The following PREP variants were observed in gnomAD, a reference collection of about 807,000 sequenced individuals.
PREP encodes the protein prolyl endopeptidase.
Under a neutral mutation model 87.6 loss-of-function variants are expected in PREP, and 29 were observed. The observed-to-expected ratio is 0.33, with a 90% confidence interval of 0.25 to 0.45. The LOEUF (loss-of-function observed/expected upper bound fraction) is 0.45, where lower values mean the gene tolerates loss of function less well. Ranked by LOEUF, PREP falls within the 20% of genes least tolerant of loss-of-function variation. PREP has a pLI of 1.00. For missense variants in PREP, 695 were observed against 886.5 expected, an observed-to-expected ratio of 0.78 and a Z score of 2.74; for synonymous variants, 337 against 328.6, an observed-to-expected ratio of 1.03 and a Z score of -0.28.
intron 10 of PREP, among the ~76,000 whole-genome samples, chr6:105,294,420 C>T (rs1321024765): frequency 6.6e-6 from 1 of 152,188 alleles, no homozygotes; most frequent in African/African-American, 2.4e-5. Context: ...AGTCTCTATA[C>T]TTCTCTTTAC....
At chr6:105,359,936 T>C (rs1286911385) in intron 6 of PREP, among the ~76,000 whole-genome samples, 1 of 152,148 alleles carries the variant, frequency 6.6e-6, no homozygotes. Context: ...AGCTCTCCCA[T>C]CAAACTTCTA....
chr6:105,356,227 C>G (rs1442468794), intron 6 of PREP, among the ~76,000 whole-genome samples: 1 of 152,148 alleles, frequency 6.6e-6, no homozygotes, highest in African/African-American at 2.4e-5. Flanking sequence ...TTGATCCATT[C>G]AAGACTTGTT....
chr6:105,344,274 G>T (rs1029799732), intron 7 of PREP, among the ~76,000 whole-genome samples: 1 of 152,152 alleles, frequency 6.6e-6, no homozygotes, highest in Non-Finnish European at 1.5e-5. Context: ...GGCGGATCAT[G>T]AGGTCAGGAG....
intron 9 of PREP, among the ~76,000 whole-genome samples, chr6:105,325,197 T>C (rs1481585008): frequency 6.6e-6 from 1 of 152,062 alleles, no homozygotes; most frequent in African/African-American, 2.4e-5. Flanking sequence ...ATGTGAATCC[T>C]TGAAAAAAAG....
intron 10 of PREP, among the ~76,000 whole-genome samples, chr6:105,309,765 T>C (rs1298053397): frequency 6.6e-6 from 1 of 152,152 alleles, no homozygotes. Flanking sequence ...AAACGCTCCT[T>C]CTCCTTTGAA....
chr6:105,298,412 G>T, intron 10 of PREP: 1 of 153,076 alleles, frequency 6.5e-6, no homozygotes, highest in South Asian at 2.0e-4. Context: ...ACTGACCAGA[G>T]ACAGTGCAAG....
At chr6:105,300,435 A>G (rs999843463) in intron 10 of PREP, among the ~76,000 whole-genome samples, 1 of 152,238 alleles carries the variant, frequency 6.6e-6, no homozygotes, top group Non-Finnish European at 1.5e-5. Context: ...GTATTTTTTT[A>G]AGGCTTAACA....
At chr6:105,336,448 T>A (rs1478380055) in intron 7 of PREP, among the ~76,000 whole-genome samples, 1 of 152,232 alleles carries the variant, frequency 6.6e-6, no homozygotes, top group Non-Finnish European at 1.5e-5. Flanking sequence ...AAAAAATGTT[T>A]CTCTAGGCCT....
intron 10 of PREP, among the ~76,000 whole-genome samples, chr6:105,315,908 T>TA (rs1770853978): frequency 6.6e-6 from 1 of 152,220 alleles, no homozygotes; most frequent in Non-Finnish European, 1.5e-5. Context: ...TGAAGAAAGT[T>TA]AGGGCTTTGC....
intron 5 of PREP, among the ~76,000 whole-genome samples, chr6:105,373,001 T>C (rs1305139728): frequency 1.3e-5 from 2 of 152,132 alleles, no homozygotes; most frequent in Non-Finnish European, 2.9e-5. Flanking sequence ...TTCTACTGAG[T>C]TGCCATGTGA....
chr6:105,398,999 C>T (rs890302283), intron 1 of PREP, among the ~76,000 whole-genome samples: 4 of 151,980 alleles, frequency 2.6e-5, no homozygotes, highest in African/African-American at 9.7e-5. Flanking sequence ...CCCAGCTACT[C>T]GGGAGGCTAA....
chr6:105,305,811 A>G (rs1770641977), intron 10 of PREP, among the ~76,000 whole-genome samples: 1 of 151,414 alleles, frequency 6.6e-6, no homozygotes, highest in Non-Finnish European at 1.5e-5. Flanking sequence ...TAAACACAGA[A>G]ATATACTTTT....
intron 2 of PREP, among the ~76,000 whole-genome samples, chr6:105,394,084 A>T (rs1347660015): frequency 6.6e-6 from 1 of 152,232 alleles, no homozygotes; most frequent in African/African-American, 2.4e-5. Flanking sequence ...TCTTGTAAAT[A>T]TAGTTGTAAG....
At chr6:105,371,552 C>T (rs1772548632) in intron 5 of PREP, among the ~76,000 whole-genome samples, 1 of 129,438 alleles carries the variant, frequency 7.7e-6, no homozygotes, top group Admixed American at 7.7e-5. Context: ...GAATATCAAA[C>T]TGAAAGTAAT....
At chr6:105,331,040 T>A (rs1192049103) in intron 8 of PREP, among the ~76,000 whole-genome samples, 6 of 152,190 alleles carry the variant, frequency 3.9e-5, no homozygotes, top group African/African-American at 1.4e-4. Flanking sequence ...TATGAGCACA[T>A]CAGAATTATA....
intron 10 of PREP, among the ~76,000 whole-genome samples, chr6:105,303,112 C>CATGTATGTATGTATGTATGT (rs141833268): frequency 6.6e-6 from 1 of 150,664 alleles, no homozygotes; most frequent in Admixed American, 6.6e-5. Context: ...AAATGAAGTC[C>CATGTATGTATGTATGTATGT]ATGTATGTAT....
intron 1 of PREP, among the ~76,000 whole-genome samples, chr6:105,399,347 G>A (rs571914506): frequency 6.6e-6 from 1 of 152,142 alleles, no homozygotes; most frequent in Non-Finnish European, 1.5e-5. Flanking sequence ...GGCTCTGGCT[G>A]GGTGAGAACA....
At chr6:105,321,502 T>G (rs1771007532) in intron 10 of PREP, among the ~76,000 whole-genome samples, 1 of 152,246 alleles carries the variant, frequency 6.6e-6, no homozygotes, top group Non-Finnish European at 1.5e-5. Flanking sequence ...GTTAGGTTTG[T>G]ATTCCACAGA....
At chr6:105,279,142 G>C (rs190228795) in intron 14 of PREP, 1 of 152,320 alleles carries the variant, frequency 6.6e-6, no homozygotes, top group African/African-American at 2.4e-5. Context: ...ACTGATAATA[G>C]TTGAAATATC....
Sources: gnomAD v4.1 joint callset for allele counts (sites outside exome capture counted in the v4.1 genomes callset) on GRCh38, gnomAD v4.1.1 for gene constraint, MANE v1.5 for transcripts, NCBI Gene and HGNC (gene_info 2026-07-23, HGNC 2026-07-21) for gene names.